RIMBP2: variants seen among roughly 807,000 people sequenced by gnomAD.
The protein encoded by RIMBP2 is RIMS binding protein 2.
Under a neutral mutation model 118.6 loss-of-function variants are expected in RIMBP2, and 48 were observed. That is an observed-to-expected ratio of 0.40 (90% CI 0.32 to 0.51). RIMBP2 has a LOEUF of 0.51. RIMBP2 is among the 20% of genes least tolerant of loss of function. The pLI, the probability that RIMBP2 is intolerant of heterozygous loss-of-function variation, is 0.41. For synonymous variants in RIMBP2, 762 were observed against 742.9 expected (o/e 1.03, Z -0.42); for missense variants, 1,551 against 1,768.3 (o/e 0.88, Z 2.20).
Position 130,578,522 on chromosome 12 carries a change from C to T in RIMBP2, c.-217+49800G>A, listed in dbSNP as rs959274858. Among the ~76,000 whole-genome samples, 2 of 152,230 alleles carry T rather than the reference C, an allele frequency of 1.3e-5. No individual in the cohort carries two copies. The highest frequency in any genetic ancestry group is 4.8e-5 in the African/African-American group (2 of 41,466). ...ACAGACCTGTTCTCCTGGCCCCAGT[C>T]GTACATGCCTGTGTTCTGTTTCTCG... On this transcript the variant is annotated intron_variant, in intron 2 of 22. Coordinates refer to ENST00000690449, the MANE Select transcript of RIMBP2 (RefSeq NM_001393629.1). This position sits in a 1 kb window ranked among gnomAD's most constrained non-coding sequence, Gnocchi z 4.1.
intron 2 of RIMBP2, among the ~76,000 whole-genome samples, chr12:130,550,216 T>C (rs1056133266): frequency 6.6e-6 from 1 of 152,228 alleles, no homozygotes; most frequent in Non-Finnish European, 1.5e-5. Flanking sequence ...CAACTGTGGC[T>C]TTTGTATGCT....
At chr12:130,489,334 C>T (rs2048409037) in intron 4 of RIMBP2, among the ~76,000 whole-genome samples, 1 of 152,166 alleles carries the variant, frequency 6.6e-6, no homozygotes, top group African/African-American at 2.4e-5. Context: ...GGTCACCCTG[C>T]ACCCCAGCCT....
chr12:130,560,047 G>A (rs942398818), intron 2 of RIMBP2, among the ~76,000 whole-genome samples: 4 of 152,292 alleles, frequency 2.6e-5, no homozygotes, highest in South Asian at 4.1e-4. Flanking sequence ...GCTGGTCAGC[G>A]GCAGAGCTGC....
intron 1 of RIMBP2, among the ~76,000 whole-genome samples, chr12:130,687,567 T>G (rs2065114927): frequency 6.6e-6 from 1 of 152,214 alleles, no homozygotes; most frequent in African/African-American, 2.4e-5. Context: ...TAGATGTTTG[T>G]TTCTTTGGGT....
At chr12:130,678,758 T>C (rs1388643670) in intron 1 of RIMBP2, among the ~76,000 whole-genome samples, 1 of 152,178 alleles carries the variant, frequency 6.6e-6, no homozygotes, top group Non-Finnish European at 1.5e-5. Context: ...CCTCAGGTGA[T>C]CCAGCCCTCC....
intron 2 of RIMBP2, among the ~76,000 whole-genome samples, chr12:130,583,992 C>A (rs1432528795): frequency 6.6e-6 from 1 of 150,932 alleles, no homozygotes; most frequent in African/African-American, 2.4e-5. Flanking sequence ...TCACCGTCAC[C>A]ACCATTACAT....
intron 2 of RIMBP2, among the ~76,000 whole-genome samples, chr12:130,554,525 G>A (rs2056149675): frequency 6.6e-6 from 1 of 152,082 alleles, no homozygotes; most frequent in African/African-American, 2.4e-5. Flanking sequence ...CAAATTCAAT[G>A]ACAGTTACTT....
intron 4 of RIMBP2, among the ~76,000 whole-genome samples, chr12:130,479,586 C>T (rs990857006): frequency 1.6e-5 from 2 of 127,204 alleles, no homozygotes; most frequent in Admixed American, 7.0e-5. Flanking sequence ...ACCCAGAGTC[C>T]GCACCCTCCC....
chr12:130,468,809 C>T (rs1280981787), intron 6 of RIMBP2, among the ~76,000 whole-genome samples: 6 of 152,232 alleles, frequency 3.9e-5, no homozygotes, highest in Admixed American at 2.0e-4. Flanking sequence ...AATTTCTCTC[C>T]TCTGCGGTCA....
At chr12:130,501,078 C>T (rs2049726572) in intron 4 of RIMBP2, among the ~76,000 whole-genome samples, 1 of 152,192 alleles carries the variant, frequency 6.6e-6, no homozygotes, top group Non-Finnish European at 1.5e-5. Flanking sequence ...TTCCCTGTCA[C>T]AGCAGATGAC....
Position 130,428,251 on chromosome 12 carries a change from CTCCTCCTCG to C in RIMBP2, c.2331_2339del (p.Asp777_Glu779del). ...CTTCCAGCTGCATTTCAGAATACAG[CTCCTCCTCG>C]TCCTCCTCCATGATGTCTGAGAGGT... On this transcript the variant is annotated inframe_deletion, in exon 15 of 23. Coordinates refer to ENST00000690449, the MANE Select transcript of RIMBP2 (RefSeq NM_001393629.1). 1 of 1,613,778 alleles carries C rather than the reference CTCCTCCTCG, an allele frequency of 6.2e-7. No homozygotes were observed. Among genetic ancestry groups the C allele is most frequent in the Non-Finnish European group, 8.5e-7 (1 of 1,179,848 alleles).
chr12:130,602,167 T>G (rs2059916721), intron 2 of RIMBP2, among the ~76,000 whole-genome samples: 1 of 152,158 alleles, frequency 6.6e-6, no homozygotes, highest in African/African-American at 2.4e-5. Flanking sequence ...AAAGAAATAT[T>G]TATACAGTGC....
intron 2 of RIMBP2, among the ~76,000 whole-genome samples, chr12:130,586,461 TAAG>T (rs1039608239): frequency 1.8e-4 from 28 of 151,890 alleles, no homozygotes; most frequent in Admixed American, 1.1e-3. Context: ...TCAAAAAGAA[TAAG>T]AAGAAGAAGA....
At chr12:130,489,224 CA>C (rs1249344501) in intron 4 of RIMBP2, among the ~76,000 whole-genome samples, 1 of 152,182 alleles carries the variant, frequency 6.6e-6, no homozygotes, top group African/African-American at 2.4e-5. Context: ...TCTACTTTTA[CA>C]GCCTACATAT....
At chr12:130,509,053 G>A (rs1005063925) in intron 3 of RIMBP2, among the ~76,000 whole-genome samples, 4 of 152,104 alleles carry the variant, frequency 2.6e-5, no homozygotes, top group Admixed American at 6.5e-5. Flanking sequence ...CCCGGCCCCC[G>A]GCCCTCCCCA....
intron 2 of RIMBP2, among the ~76,000 whole-genome samples, chr12:130,613,541 G>A (rs1268920062): frequency 6.6e-6 from 1 of 152,206 alleles, no homozygotes; most frequent in East Asian, 1.9e-4. Context: ...TCTCGGCCGG[G>A]CACAGTGGCT....
At chr12:130,467,300 A>G (rs1258743345) in intron 6 of RIMBP2, among the ~76,000 whole-genome samples, 1 of 152,182 alleles carries the variant, frequency 6.6e-6, no homozygotes, top group African/African-American at 2.4e-5. Context: ...ACCCTCCCCA[A>G]ATTGCTCCTG....
chr12:130,563,395 T>C (rs1356664001), intron 2 of RIMBP2, among the ~76,000 whole-genome samples: 1 of 152,212 alleles, frequency 6.6e-6, no homozygotes, highest in African/African-American at 2.4e-5. Context: ...GAAGAATAGA[T>C]CAAAGGATTG....
chr12:130,567,539 G>C (rs1254865051), intron 2 of RIMBP2, among the ~76,000 whole-genome samples: 4 of 152,214 alleles, frequency 2.6e-5, no homozygotes, highest in Admixed American at 1.3e-4. Flanking sequence ...GAACGGGGGA[G>C]AGGGAGGAGG....
Sources: allele counts gnomAD v4.1 joint callset (sites outside exome capture counted in the v4.1 genomes callset), GRCh38; gene constraint gnomAD v4.1.1; non-coding constraint Gnocchi (gnomAD v3.1); transcripts MANE v1.5; gene names NCBI Gene and HGNC (gene_info 2026-07-23, HGNC 2026-07-21).